The following MAPK1IP1L variants were observed in gnomAD, a reference collection of about 807,000 sequenced individuals.
MAPK1IP1L encodes MAPK-interacting and spindle-stabilizing protein-like.
A neutral mutation model predicts 18.1 loss-of-function variants in MAPK1IP1L; 10 were observed. That is an observed-to-expected ratio of 0.55 (90% CI 0.34 to 0.94). The LOEUF is 0.94. MAPK1IP1L is among the 40% of genes least tolerant of loss of function. MAPK1IP1L has a pLI of 0.02. For synonymous variants in MAPK1IP1L, 115 were observed against 117.3 expected (o/e 0.98, Z 0.13); for missense variants, 260 against 318.2 (o/e 0.82, Z 1.39).
Position 55,062,757 on chromosome 14 carries a change from T to C in MAPK1IP1L, c.158T>C (p.Leu53Pro). 1 of 1,614,138 alleles carries C rather than the reference T, an allele frequency of 6.2e-7. No homozygotes were observed. The highest frequency in any genetic ancestry group is 1.1e-5 in the South Asian group (1 of 91,086). The change falls in exon 3 of 4, where the codon CTC becomes CCC. Residue 53 changes from leucine (L) to proline (P), a missense_variant. Coordinates refer to ENST00000395468, the MANE Select transcript of MAPK1IP1L (RefSeq NM_144578.4). ...GCTCCATCTTCAGTGCCATCTGGAC[T>C]CCCACCAAGTGCAACACCCTCCACT... ...PSAPSSVPSGLPPSATPSTVP... is the reference protein window; with the variant it reads ...PSAPSSVPSGPPPSATPSTVP...
rs369589507 is a variant in MAPK1IP1L at position 55,064,635 on chromosome 14, A to G, written c.*8A>G. 20 of 1,612,240 alleles carry G rather than the reference A, an allele frequency of 1.2e-5. No homozygotes were observed. Among genetic ancestry groups the G allele is most frequent in the Non-Finnish European group, 1.6e-5 (19 of 1,179,416 alleles). On this transcript the variant is annotated 3_prime_UTR_variant, in exon 4 of 4. Transcript: ENST00000395468. Reference sequence around the variant, plus strand: ...TTGCAGTCTTACCATTAAGTTAACAATGGACGAAGAGATGACGCTTTGCTT... The same window carrying G: ...TTGCAGTCTTACCATTAAGTTAACAGTGGACGAAGAGATGACGCTTTGCTT...
At position 55,063,312 on chromosome 14, in the gene MAPK1IP1L, C is replaced by G. The variant is rs368794840; in HGVS notation, c.713C>G (p.Pro238Arg). The G allele has an allele frequency of 4.3e-6, 7 of 1,610,016 alleles. No homozygotes were observed. In the African/African-American group the frequency reaches 9.4e-5, roughly 22 times the overall value. The change falls in exon 3 of 4, where the codon CCT (proline) becomes CGT (arginine). Residue 238 changes from proline (P) to arginine (R), a missense_variant. Transcript: ENST00000395468. Reference protein sequence around the residue: ...PSGPSGAPPMPGGPHSYH With the variant: ...PSGPSGAPPMRGGPHSYH ...GGACCTTCTGGTGCTCCACCAATGC[C>G]TGGTGGCCCCCATGTGAGTGTTCAA...
In MAPK1IP1L at chr14:55,066,106, G is replaced by A. The variant is rs1461144103; in HGVS notation, c.*1479G>A. 1 of 152,108 alleles carries A rather than the reference G, an allele frequency of 6.6e-6. No individual in the cohort carries two copies. Among genetic ancestry groups the A allele is most frequent in the East Asian group, 1.9e-4 (1 of 5,200 alleles). The allele number at this position is 152,108 out of a possible 1,614,324, so 9.4% of individuals were successfully genotyped here. A position where few individuals can be genotyped will look rare whatever the true frequency, so the allele number is the denominator to read the frequency against. On this transcript the variant is annotated 3_prime_UTR_variant, in exon 4 of 4. Transcript: ENST00000395468. ...AATGTATCCATTGGATTTCTAAAAT[G>A]TATTGTGAATTTCTCAGACAAACAG...
At chr14:55,051,863 G>A (rs2042731166) in intron 1 of MAPK1IP1L, 60 bp downstream of exon 1, 1 of 432,416 alleles carries the variant, frequency 2.3e-6, no homozygotes, top group Non-Finnish European at 4.6e-6. Flanking sequence ...TGGGGTTGCG[G>A]AGCCCGCGGG....
Position 55,061,368 on chromosome 14 carries a change from C to G in MAPK1IP1L, c.-4-312C>G, listed in dbSNP as rs563013551. 6.6e-5 allele frequency among the ~76,000 whole-genome samples: 10 copies of G among 152,212 alleles called. No individual in the cohort carries two copies. The South Asian group carries it at 1.9e-3, about 28-fold the overall frequency. On this transcript the variant is annotated intron_variant, in intron 1 of 3. Coordinates refer to ENST00000395468, the MANE Select transcript of MAPK1IP1L (RefSeq NM_144578.4). ...TTTTTCCTGGTGTTAGATTCTCACA[C>G]ACAAACAAAGAAGTGTTGAGAGATG...
At chr14:55,061,359 AT>A (rs2140260427) in intron 1 of MAPK1IP1L, among the ~76,000 whole-genome samples, 1 of 152,320 alleles carries the variant, frequency 6.6e-6, no homozygotes, top group South Asian at 2.1e-4. Flanking sequence ...CTGGTGTTAG[AT>A]TCTCACACAC....
intron 1 of MAPK1IP1L, among the ~76,000 whole-genome samples, chr14:55,061,081 T>G (rs2140260299): frequency 6.6e-6 from 1 of 152,038 alleles, no homozygotes; most frequent in Non-Finnish European, 1.5e-5. Context: ...GCCCAGGAGG[T>G]CAAGATTGCA....
Position 55,062,905 on chromosome 14 carries a change from T to C in MAPK1IP1L, c.306T>C (p.Tyr102=). The part of the protein sequence containing the change: ...GPSCPPPGGP[Y]PAPTVPGPGP... ...CATGTCCCCCACCTGGTGGTCCTTATCCAGCCCCAACTGTGCCGGGCCCTG... is the reference window on the plus strand; with the variant it reads ...CATGTCCCCCACCTGGTGGTCCTTACCCAGCCCCAACTGTGCCGGGCCCTG... Residue 102 remains tyrosine, a synonymous_variant, in exon 3 of 4, where the codon TAT becomes TAC. Coordinates refer to ENST00000395468, the MANE Select transcript of MAPK1IP1L (RefSeq NM_144578.4). 6.2e-7 allele frequency: 1 copy of C among 1,614,090 alleles called. No homozygotes were observed.
In MAPK1IP1L at chr14:55,051,710, C is replaced by T. The variant is rs2042729353; in HGVS notation, c.-98C>T. 1.9e-6 allele frequency: 1 copy of T among 516,316 alleles called. No individual in the cohort carries two copies. Among genetic ancestry groups the T allele is most frequent in the Admixed American group, 1.9e-5 (1 of 51,566 alleles). The allele number at this position is 516,316 out of a possible 1,614,324, so 32.0% of individuals were successfully genotyped here. On this transcript the variant is annotated 5_prime_UTR_variant, in exon 1 of 4. Coordinates refer to ENST00000395468, the MANE Select transcript of MAPK1IP1L (RefSeq NM_144578.4). ...GGTGCTGTTGCCGCCGCTGCTCTAG[C>T]TGCCGTCAGTCAGGCTGCGCCCGCG...
chr14:55,054,439 G>A (rs1051380467), intron 1 of MAPK1IP1L, among the ~76,000 whole-genome samples: 1 of 151,912 alleles, frequency 6.6e-6, no homozygotes, highest in Non-Finnish European at 1.5e-5. Flanking sequence ...CGCCGCACCC[G>A]GCCATTAATT....
rs2042879576 is a variant in MAPK1IP1L, at chr14:55,068,176, GT to G, written c.*3553del. 1 of 152,460 alleles carries G rather than the reference GT, an allele frequency of 6.6e-6. No individual in the cohort carries two copies. The highest frequency in any genetic ancestry group is 2.4e-5 in the African/African-American group (1 of 41,400). The allele number at this position is 152,460 out of a possible 1,614,324, so 9.4% of individuals were successfully genotyped here. A position where few individuals can be genotyped will look rare whatever the true frequency, so the allele number is the denominator to read the frequency against. On this transcript the variant is annotated 3_prime_UTR_variant, in exon 4 of 4. Coordinates refer to ENST00000395468, the MANE Select transcript of MAPK1IP1L (RefSeq NM_144578.4). Reference sequence around the variant, plus strand: ...TTTTTTAATTACCCAAGGACTGACTGTTTTGTGCATTTTACTGTTGGTTGTC... The same window carrying G: ...TTTTTTAATTACCCAAGGACTGACTGTTTGTGCATTTTACTGTTGGTTGTC...
intron 1 of MAPK1IP1L, among the ~76,000 whole-genome samples, chr14:55,059,595 C>G (rs147158544): frequency 0.015 from 2,257 of 152,256 alleles, 32 homozygotes; most frequent in Non-Finnish European, 0.024. Context: ...GAATAAAGTC[C>G]ACAATATCTG....
intron 1 of MAPK1IP1L, among the ~76,000 whole-genome samples, chr14:55,061,405 A>G (rs146573109): frequency 6.6e-6 from 1 of 152,206 alleles, no homozygotes; most frequent in African/African-American, 2.4e-5. Flanking sequence ...TCACTGTATC[A>G]TACTTAAAAC....
intron 1 of MAPK1IP1L, among the ~76,000 whole-genome samples, chr14:55,059,733 C>T (rs1436578450): frequency 6.6e-6 from 1 of 152,196 alleles, no homozygotes; most frequent in Admixed American, 6.5e-5. Context: ...GCCAAGCTTC[C>T]TCTTCTCCAG....
chr14:55,069,758 C>T lies in MAPK1IP1L; in HGVS notation c.*5131C>T, dbSNP rs1383879258. The T allele has an allele frequency of 1.3e-5, 2 of 152,168 alleles. No homozygotes were observed. The highest frequency in any genetic ancestry group is 1.3e-4 in the Admixed American group (2 of 15,270). The allele number at this position is 152,168 out of a possible 1,614,324, so 9.4% of individuals were successfully genotyped here. ...ACATGGTGTCCATTGTGGTGATTTT[C>T]TCTTCTTTTAAGGCTAGGCTACTCT... On this transcript the variant is annotated 3_prime_UTR_variant, in exon 4 of 4. Coordinates refer to ENST00000395468, the MANE Select transcript of MAPK1IP1L (RefSeq NM_144578.4).
chr14:55,059,389 T>C (rs956680235), intron 1 of MAPK1IP1L, among the ~76,000 whole-genome samples: 1 of 152,000 alleles, frequency 6.6e-6, no homozygotes, highest in Non-Finnish European at 1.5e-5. Context: ...CCCAAGACTT[T>C]GGGAGGCCGA....
intron 1 of MAPK1IP1L, among the ~76,000 whole-genome samples, chr14:55,058,726 G>T (rs541229568): frequency 3.8e-4 from 58 of 152,118 alleles, no homozygotes; most frequent in African/African-American, 1.4e-3. Context: ...CAGTTACTCA[G>T]GAGGCTGAGG....
chr14:55,065,572 T>C lies in MAPK1IP1L; in HGVS notation c.*945T>C, dbSNP rs956674489. The C allele has an allele frequency of 6.6e-6, 1 of 152,086 alleles. No individual in the cohort carries two copies. The highest frequency in any genetic ancestry group is 2.4e-5 in the African/African-American group (1 of 41,402). 9.4% of individuals were successfully genotyped at this position (152,086 alleles called of 1,614,324 possible). On this transcript the variant is annotated 3_prime_UTR_variant, in exon 4 of 4. Coordinates refer to ENST00000395468, the MANE Select transcript of MAPK1IP1L (RefSeq NM_144578.4). ...CCACCCCCACCCCACTTGCCCTTGG[T>C]TCTTTAGAAGGAGCACACACATCCC...
At chr14:55,059,776 C>G (rs1457973850) in intron 1 of MAPK1IP1L, among the ~76,000 whole-genome samples, 1 of 152,020 alleles carries the variant, frequency 6.6e-6, no homozygotes, top group Non-Finnish European at 1.5e-5. Context: ...AAATTTGTAT[C>G]TGGGTTCTGG....
Sources: gnomAD v4.1 joint callset for allele counts (sites outside exome capture counted in the v4.1 genomes callset) on GRCh38, gnomAD v4.1.1 for gene constraint, MANE v1.5 for transcripts, NCBI Gene and HGNC (gene_info 2026-07-23, HGNC 2026-07-21) for gene names.